Variants in FHL2 observed in about 807,000 individuals in gnomAD.
FHL2 encodes four and a half LIM domains protein 2.
A neutral mutation model predicts 32.7 loss-of-function variants in FHL2; 20 were observed. The observed-to-expected ratio is 0.61, with a 90% CI of 0.43 to 0.89. The LOEUF is 0.89. Among genes scored for constraint, FHL2 ranks in the 40% least tolerant of loss-of-function variants. FHL2 has a pLI of 0.00. For synonymous variants in FHL2, 123 were observed against 128.1 expected (o/e 0.96, Z 0.27); for missense variants, 311 against 358.6 (o/e 0.87, Z 1.07).
intron 3 of FHL2, 42 bp from the exon 4 acceptor site, chr2:105,373,775 G>A (rs778881850): frequency 1.2e-6 from 2 of 1,608,272 alleles, no homozygotes; most frequent in East Asian, 4.5e-5. Flanking sequence ...GGCAGGACAG[G>A]AGGGCTTGGA....
At chr2:105,410,498 G>A (rs934494234) in intron 1 of FHL2, among the ~76,000 whole-genome samples, 8 of 152,122 alleles carry the variant, frequency 5.3e-5, no homozygotes, top group South Asian at 4.1e-4. Context: ...CCAGTCTCTC[G>A]GTAGATATCA....
At chr2:105,404,572 C>T (rs1003394738) in intron 1 of FHL2, among the ~76,000 whole-genome samples, 1 of 152,168 alleles carries the variant, frequency 6.6e-6, no homozygotes. Flanking sequence ...TGCCTGTGCC[C>T]GTGAGCTGGG....
intron 1 of FHL2, among the ~76,000 whole-genome samples, chr2:105,435,405 T>C (rs890035159): frequency 6.6e-6 from 1 of 152,216 alleles, no homozygotes; most frequent in Non-Finnish European, 1.5e-5. Flanking sequence ...TTTGTGTTCA[T>C]ACGAAACCGT....
chr2:105,362,986 G>A (rs1375371014), intron 6 of FHL2: 3 of 342,846 alleles, frequency 8.8e-6, no homozygotes, highest in South Asian at 9.1e-5. Context: ...TTGTGCTTTT[G>A]TGATGTCACA....
intron 1 of FHL2, among the ~76,000 whole-genome samples, chr2:105,431,954 G>A (rs528940216): frequency 2.0e-5 from 3 of 152,214 alleles, no homozygotes; most frequent in Non-Finnish European, 1.5e-5. Context: ...TGCTGCTGCT[G>A]CTGCTGTTAA....
At chr2:105,431,522 T>C (rs1684430181) in intron 1 of FHL2, among the ~76,000 whole-genome samples, 1 of 152,144 alleles carries the variant, frequency 6.6e-6, no homozygotes, top group African/African-American at 2.4e-5. Context: ...GCAAATGCCC[T>C]GGGGCAGGGC....
chr2:105,430,839 G>C (rs1412199709), intron 1 of FHL2, among the ~76,000 whole-genome samples: 1 of 152,176 alleles, frequency 6.6e-6, no homozygotes, highest in Non-Finnish European at 1.5e-5. Context: ...AGGCCAAGAT[G>C]AATCAGAGCA....
At chr2:105,382,829 C>CAAAAA (rs1681995362) in intron 3 of FHL2, among the ~76,000 whole-genome samples, 2 of 152,196 alleles carry the variant, frequency 1.3e-5, no homozygotes, top group Non-Finnish European at 2.9e-5. Context: ...TTAAAATCAC[C>CAAAAA]AATTTGTTAA....
intron 1 of FHL2, among the ~76,000 whole-genome samples, chr2:105,405,723 A>C (rs1199748968): frequency 6.6e-6 from 1 of 152,246 alleles, no homozygotes; most frequent in Non-Finnish European, 1.5e-5. Flanking sequence ...AGGGTCATTA[A>C]CAGAAAATCC....
upstream of FHL2, chr2:105,399,538 A>G (rs754947583): frequency 6.9e-5 from 106 of 1,536,012 alleles, 1 homozygote; most frequent in Non-Finnish European, 8.9e-5. Context: ...AACACCACAG[A>G]TGACCATAAA....
exon 1 of FHL2, chr2:105,438,442 C>T (rs986753103): frequency 3.0e-6 from 3 of 985,612 alleles, no homozygotes; most frequent in Non-Finnish European, 3.6e-6. Flanking sequence ...GCCCGATGAG[C>T]AGGGACAGCT....
intron 1 of FHL2, among the ~76,000 whole-genome samples, chr2:105,425,380 A>T (rs1425414392): frequency 1.3e-5 from 2 of 152,180 alleles, no homozygotes; most frequent in East Asian, 3.9e-4. Context: ...CTGCCCTTGA[A>T]AGCAGGGTAT....
upstream of FHL2, among the ~76,000 whole-genome samples, chr2:105,402,109 G>GTA (rs1030423649): frequency 2.1e-5 from 3 of 141,918 alleles, no homozygotes; most frequent in Admixed American, 2.1e-4. Context: ...ATATATACAC[G>GTA]TATATATACA....
intron 1 of FHL2, among the ~76,000 whole-genome samples, chr2:105,423,250 T>A (rs1684158921): frequency 6.6e-6 from 1 of 152,208 alleles, no homozygotes; most frequent in Admixed American, 6.5e-5. Context: ...GCTTTTAGAA[T>A]GATTGGAAAT....
chr2:105,363,185 T>G, intron 6 of FHL2, 100 bp downstream of exon 6: 1 of 1,126,118 alleles, frequency 8.9e-7, no homozygotes, highest in Non-Finnish European at 1.3e-6. Flanking sequence ...CTTAGGGAGG[T>G]CTGGGGAGTT....
At chr2:105,437,764 C>T (rs1029765255) in intron 1 of FHL2, among the ~76,000 whole-genome samples, 4 of 152,194 alleles carry the variant, frequency 2.6e-5, no homozygotes, top group African/African-American at 9.7e-5. Flanking sequence ...GGGCATTACT[C>T]AGGACTGTGC....
upstream of FHL2, among the ~76,000 whole-genome samples, chr2:105,402,510 G>C (rs931819041): frequency 6.6e-6 from 1 of 152,058 alleles, no homozygotes; most frequent in Non-Finnish European, 1.5e-5. Flanking sequence ...CTCCCAAAGT[G>C]CTGAAATTAC....
chr2:105,376,911 G>A (rs190627718), intron 3 of FHL2, among the ~76,000 whole-genome samples: 7 of 149,160 alleles, frequency 4.7e-5, no homozygotes, highest in African/African-American at 1.8e-4. Flanking sequence ...ACGACAAATC[G>A]GTCACAAAAG....
intron 1 of FHL2, among the ~76,000 whole-genome samples, chr2:105,424,070 A>C (rs1200022643): frequency 6.6e-6 from 1 of 152,224 alleles, no homozygotes; most frequent in Admixed American, 6.5e-5. Context: ...AAAATCAACT[A>C]TCATCAGAGT....
Sources: gnomAD v4.1 joint callset for allele counts (sites outside exome capture counted in the v4.1 genomes callset) on GRCh38, gnomAD v4.1.1 for gene constraint, MANE v1.5 for transcripts, NCBI Gene and HGNC (gene_info 2026-07-23, HGNC 2026-07-21) for gene names.